Variants in BBS9 observed in about 807,000 individuals in gnomAD.
The protein encoded by BBS9 is protein PTHB1.
Under a neutral mutation model 117.7 loss-of-function variants are expected in BBS9, and 89 were observed. The observed-to-expected ratio is 0.76, with a 90% CI of 0.64 to 0.90. BBS9 has a LOEUF of 0.90. Ranked by LOEUF, BBS9 falls within the 40% of genes least tolerant of loss-of-function variation. The probability of loss-of-function intolerance (pLI) is 0.00; values close to 1 mark genes in which losing one functional copy is unlikely to be tolerated. For missense variants in BBS9, 982 were observed against 1,042.2 expected, an observed-to-expected ratio of 0.94 and a Z score of 0.80; for synonymous variants, 379 against 370.9, an observed-to-expected ratio of 1.02 and a Z score of -0.25.
At chr7:33,366,913 T>C (rs148910021) in intron 16 of BBS9, among the ~76,000 whole-genome samples, 21 of 152,310 alleles carry the variant, frequency 1.4e-4, no homozygotes, top group Non-Finnish European at 2.6e-4. Context: ...AGAGTCAAGA[T>C]TGACTATTCT....
intron 5 of BBS9, among the ~76,000 whole-genome samples, chr7:33,224,731 C>T (rs1377688333): frequency 1.3e-5 from 2 of 152,088 alleles, no homozygotes; most frequent in African/African-American, 4.8e-5. Context: ...TTCCTCTGTC[C>T]ACATTTACTG....
intron 5 of BBS9, among the ~76,000 whole-genome samples, chr7:33,191,712 T>C (rs1374496955): frequency 6.6e-6 from 1 of 152,238 alleles, no homozygotes; most frequent in Non-Finnish European, 1.5e-5. Flanking sequence ...TAATTGAATT[T>C]AATTGAGTGC....
At position 33,153,379 on chromosome 7, in the gene BBS9, ATTAGTT is replaced by A. The variant is rs1470945509; in HGVS notation, c.263+530_263+535del. 2.6e-5 allele frequency among the ~76,000 whole-genome samples: 4 copies of A among 152,220 alleles called. No individual in the cohort carries two copies. The East Asian group carries it at 5.8e-4, about 22-fold the overall frequency. ...TCTAATTTATTTTAGAAAACTGTTT[ATTAGTT>A]TGAACTTTGGGTAATATGTCTGCTT... On this transcript the variant is annotated intron_variant, in intron 3 of 22. Transcript: ENST00000242067.
chr7:33,568,235 G>A (rs2598405), intron 21 of BBS9, among the ~76,000 whole-genome samples: 36,722 of 151,782 alleles, frequency 0.24, 7,118 homozygotes, highest in African/African-American at 0.53. Flanking sequence ...AAATGTGTAC[G>A]TGGCTTCCTC....
At chr7:33,333,203 C>T (rs756358884) in intron 9 of BBS9, among the ~76,000 whole-genome samples, 55 of 152,260 alleles carry the variant, frequency 3.6e-4, no homozygotes, top group Middle Eastern at 6.8e-3. Context: ...TTGTCCCTCA[C>T]CCCTCTCCCA....
chr7:33,341,556 G>T (rs911798897), intron 11 of BBS9, among the ~76,000 whole-genome samples: 1 of 151,974 alleles, frequency 6.6e-6, no homozygotes, highest in South Asian at 2.1e-4. Context: ...AATAATAATA[G>T]AATCTACTTT....
At chr7:33,196,267 C>T (rs1784918942) in intron 5 of BBS9, among the ~76,000 whole-genome samples, 1 of 152,072 alleles carries the variant, frequency 6.6e-6, no homozygotes, top group African/African-American at 2.4e-5. Context: ...CCTAGATAAT[C>T]AGATCCTCAG....
intron 7 of BBS9, among the ~76,000 whole-genome samples, chr7:33,269,627 C>T (rs945532851): frequency 4.6e-5 from 7 of 151,646 alleles, no homozygotes; most frequent in Non-Finnish European, 1.0e-4. Flanking sequence ...AAGAGCTGCA[C>T]TTTCAGAGCA....
intron 19 of BBS9, among the ~76,000 whole-genome samples, chr7:33,396,192 GA>G (rs1456088859): frequency 1.3e-5 from 2 of 151,890 alleles, no homozygotes; most frequent in African/African-American, 2.4e-5. Flanking sequence ...AGTTCACAAA[GA>G]AAAAAATACA....
chr7:33,378,644 A>G (rs1039462096), intron 17 of BBS9, among the ~76,000 whole-genome samples: 3 of 152,194 alleles, frequency 2.0e-5, no homozygotes, highest in African/African-American at 7.2e-5. Context: ...GTTTGTCAGG[A>G]CAGTAAAAGG....
intron 16 of BBS9, among the ~76,000 whole-genome samples, chr7:33,361,001 A>G (rs541519375): frequency 1.3e-5 from 2 of 152,170 alleles, no homozygotes; most frequent in East Asian, 1.9e-4. Context: ...CAGGCATCAT[A>G]TCTTACTACA....
chr7:33,630,508 C>G (rs147451149), intron 21 of BBS9, among the ~76,000 whole-genome samples: 2 of 152,230 alleles, frequency 1.3e-5, no homozygotes, highest in Middle Eastern at 3.4e-3. Flanking sequence ...CCCCTGCGTC[C>G]GTTAAGGATC....
chr7:33,313,693 G>A (rs1809824059), intron 9 of BBS9, among the ~76,000 whole-genome samples: 1 of 152,056 alleles, frequency 6.6e-6, no homozygotes, highest in African/African-American at 2.4e-5. Context: ...ATCTTTGAAG[G>A]CTGGCCTTGG....
rs570733021 is a variant in BBS9, at chr7:33,542,340, C to T, written c.2521+8164C>T. On this transcript the variant is annotated intron_variant, in intron 21 of 22. Coordinates refer to ENST00000242067, the MANE Select transcript of BBS9 (RefSeq NM_198428.3). Reference sequence around the variant, plus strand: ...CCTCGTGATCCACCCACCTCGGCCTCCCAAAGTGCTGGGATTACAGGCGTG... The same window carrying T: ...CCTCGTGATCCACCCACCTCGGCCTTCCAAAGTGCTGGGATTACAGGCGTG... 3.9e-5 allele frequency among the ~76,000 whole-genome samples: 6 copies of T among 152,310 alleles called. No homozygotes were observed. In the South Asian group the frequency reaches 1.2e-3, roughly 32 times the overall value.
chr7:33,396,449 A>G (rs1011842259), intron 19 of BBS9, among the ~76,000 whole-genome samples: 1 of 152,204 alleles, frequency 6.6e-6, no homozygotes, highest in African/African-American at 2.4e-5. Context: ...TAATAGATAC[A>G]TTTGCAAAAA....
chr7:33,469,967 A>G (rs969340886), intron 19 of BBS9, among the ~76,000 whole-genome samples: 1 of 152,078 alleles, frequency 6.6e-6, no homozygotes, highest in Non-Finnish European at 1.5e-5. Context: ...AGTTTTCTTT[A>G]TTTTAATTAC....
At chr7:33,617,947 G>A (rs1474799172) in intron 21 of BBS9, among the ~76,000 whole-genome samples, 6 of 152,094 alleles carry the variant, frequency 3.9e-5, no homozygotes, top group Non-Finnish European at 2.9e-5. Context: ...AAAAATGAAG[G>A]GGAGATAAGG....
At chr7:33,214,719 AAGAT>A (rs368129490) in intron 5 of BBS9, among the ~76,000 whole-genome samples, 175 of 152,370 alleles carry the variant, frequency 1.1e-3, no homozygotes, top group African/African-American at 4.0e-3. Context: ...ACAAAACAGA[AAGAT>A]ATTCCATGCT....
chr7:33,537,167 G>A (rs1221968284), intron 21 of BBS9, among the ~76,000 whole-genome samples: 1 of 152,162 alleles, frequency 6.6e-6, no homozygotes, highest in African/African-American at 2.4e-5. Flanking sequence ...AGGAGTGTGT[G>A]TAATTTTGCC....
Sources: allele counts gnomAD v4.1 joint callset (sites outside exome capture counted in the v4.1 genomes callset), GRCh38; gene constraint gnomAD v4.1.1; transcripts MANE v1.5; gene names NCBI Gene and HGNC (gene_info 2026-07-23, HGNC 2026-07-21).